Variants in XKR4 observed in about 807,000 individuals in gnomAD.
XKR4 encodes the protein XK-related protein 4.
In XKR4, 12 loss-of-function variants were observed where a neutral mutation model predicts 53.9. That is an observed-to-expected ratio of 0.22 (90% confidence interval 0.14 to 0.36). The LOEUF (loss-of-function observed/expected upper bound fraction) is 0.36, where lower values mean the gene tolerates loss of function less well. Among genes scored for constraint, XKR4 ranks in the 10% least tolerant of loss-of-function variants. The pLI is 1.00. For synonymous variants in XKR4, 354 were observed against 362.4 expected, an observed-to-expected ratio of 0.98 and a Z score of 0.26; for missense variants, 799 against 859.5, an observed-to-expected ratio of 0.93 and a Z score of 0.88.
At chr8:55,131,898 G>A (rs1204041349) in intron 1 of XKR4, among the ~76,000 whole-genome samples, 1 of 152,176 alleles carries the variant, frequency 6.6e-6, no homozygotes, top group Admixed American at 6.5e-5. Flanking sequence ...GTTACAGTGA[G>A]CATGCTGTTT....
At chr8:55,220,747 A>G (rs991665190) in intron 1 of XKR4, among the ~76,000 whole-genome samples, 1 of 152,190 alleles carries the variant, frequency 6.6e-6, no homozygotes, top group African/African-American at 2.4e-5. Context: ...TGAGCCCTCC[A>G]TTCTCTTCCC....
chr8:55,345,519 G>A (rs1803623263), intron 1 of XKR4, among the ~76,000 whole-genome samples: 1 of 152,136 alleles, frequency 6.6e-6, no homozygotes, highest in South Asian at 2.1e-4. Context: ...CAGCTCATGG[G>A]TCAAGTGTAT....
At chr8:55,138,292 G>T (rs538120697) in intron 1 of XKR4, among the ~76,000 whole-genome samples, 33 of 152,206 alleles carry the variant, frequency 2.2e-4, no homozygotes, top group African/African-American at 7.2e-4. Flanking sequence ...AGGCCACAAG[G>T]CTTTTGGATC....
Position 55,203,250 on chromosome 8 carries a change from C to T in XKR4, c.806+99956C>T, listed in dbSNP as rs564158604. ...ACTATTGCGCCTGCCATGCTGTCCT[C>T]GCTTCTCTGCCCTTCCCTGCCAACC... On this transcript the variant is annotated intron_variant, in intron 1 of 2. Transcript: ENST00000327381. Among the ~76,000 whole-genome samples, 24 of 152,380 alleles carry T rather than the reference C, an allele frequency of 1.6e-4. No homozygotes were observed. The South Asian group carries it at 3.9e-3, about 25-fold the overall frequency.
At chr8:55,136,272 G>A (rs113814993) in intron 1 of XKR4, among the ~76,000 whole-genome samples, 1 of 152,000 alleles carries the variant, frequency 6.6e-6, no homozygotes, top group African/African-American at 2.4e-5. Flanking sequence ...ATTGTTGGAT[G>A]TGCCTGGGGT....
At chr8:55,258,261 G>C (rs544070198) in intron 1 of XKR4, among the ~76,000 whole-genome samples, 2 of 152,348 alleles carry the variant, frequency 1.3e-5, no homozygotes, top group East Asian at 3.9e-4. Context: ...GGAGGGAAGA[G>C]AGGTTTGGGT....
Position 55,102,541 on chromosome 8 carries a change from C to A in XKR4, c.53C>A (p.Ala18Glu). 6.5e-7 allele frequency: 1 copy of A among 1,550,386 alleles called. No individual in the cohort carries two copies. The highest frequency in any genetic ancestry group is 8.7e-7 in the Non-Finnish European group (1 of 1,144,768). The change falls in exon 1 of 3, where the codon GCG becomes GAG. Residue 18 changes from alanine (A) to glutamate (E), a missense_variant. Transcript: ENST00000327381. The surrounding 1 kb of genome is among the most constrained non-coding windows in gnomAD (Gnocchi z 5.1). Reference sequence around the variant, plus strand: ...AAAATGAAGAAAAGCAGCGACGTGGCGTTCACCCCGCTGCAGAACTCGGAC... The same window carrying A: ...AAAATGAAGAAAAGCAGCGACGTGGAGTTCACCCCGCTGCAGAACTCGGAC... ...RLKMKKSSDV[A>E]FTPLQNSDHS...
intron 1 of XKR4, among the ~76,000 whole-genome samples, chr8:55,326,055 A>G (rs1803287044): frequency 6.6e-6 from 1 of 152,236 alleles, no homozygotes; most frequent in Non-Finnish European, 1.5e-5. Flanking sequence ...GCCAAACCGA[A>G]GAATGTGGGC....
At position 55,452,581 on chromosome 8, in the gene XKR4, G is replaced by A. The variant is rs148409670; in HGVS notation, c.1007-70700G>A. 195 of 879,410 alleles carry A rather than the reference G, an allele frequency of 2.2e-4. 2 individuals are homozygous for A. The African/African-American group carries it at 3.0e-3, about 13-fold the overall frequency. 54.5% of individuals were successfully genotyped at this position (879,410 alleles called of 1,614,324 possible). A position where few individuals can be genotyped will look rare whatever the true frequency, so the allele number is the denominator to read the frequency against. On this transcript the variant is annotated intron_variant, in intron 2 of 2. Transcript: ENST00000327381. ...GGCATCAGCCTCCGGTTCTCCCGCT[G>A]CACCGCCTCCAGGGTCTTAATGTTT...
chr8:55,328,315 A>G (rs574411380), intron 1 of XKR4, among the ~76,000 whole-genome samples: 3 of 152,348 alleles, frequency 2.0e-5, no homozygotes, highest in Non-Finnish European at 4.4e-5. Flanking sequence ...TACATGGTGA[A>G]TAAGGAAGAG....
intron 1 of XKR4, among the ~76,000 whole-genome samples, chr8:55,289,648 AG>A (rs1818965332): frequency 9.5e-5 from 11 of 116,212 alleles, no homozygotes; most frequent in South Asian, 5.8e-4. Flanking sequence ...AAAGAAAGAA[AG>A]GAAGGAAGGA....
intron 2 of XKR4, among the ~76,000 whole-genome samples, chr8:55,388,963 A>G (rs1804395171): frequency 1.3e-5 from 2 of 152,212 alleles, no homozygotes; most frequent in Admixed American, 1.3e-4. Context: ...ATTCACAAAT[A>G]GGTTCCTTGC....
chr8:55,500,181 C>CAAAAAA (rs36233927), intron 2 of XKR4, among the ~76,000 whole-genome samples: 14 of 115,584 alleles, frequency 1.2e-4, no homozygotes, highest in African/African-American at 5.2e-4. Flanking sequence ...CAAATTGGGC[C>CAAAAAA]AAAAAAAAAA....
rs922367572 is a variant in XKR4 at position 55,526,036 on chromosome 8, G to A, written c.*1809G>A. ...TTCCCAGGAAATCAAAGATGTAAAT[G>A]ATTACTTTCATCCATCCATTATAAC... On this transcript the variant is annotated 3_prime_UTR_variant, in exon 3 of 3. Transcript: ENST00000327381. 6.6e-6 allele frequency: 1 copy of A among 152,632 alleles called. No homozygotes were observed. The highest frequency in any genetic ancestry group is 1.5e-5 in the Non-Finnish European group (1 of 68,048). 9.5% of individuals were successfully genotyped at this position (152,632 alleles called of 1,614,324 possible).
intron 1 of XKR4, among the ~76,000 whole-genome samples, chr8:55,183,786 A>T (rs1817343532): frequency 6.6e-6 from 1 of 152,158 alleles, no homozygotes; most frequent in Non-Finnish European, 1.5e-5. Flanking sequence ...CTATATCCTT[A>T]CTTATTCTCT....
intron 2 of XKR4, among the ~76,000 whole-genome samples, chr8:55,472,564 G>A (rs1585593338): frequency 1.3e-5 from 2 of 152,216 alleles, no homozygotes; most frequent in South Asian, 2.1e-4. Context: ...GGCTGCAGCA[G>A]AGGAACCAGC....
chr8:55,371,326 C>T (rs1342215556), intron 2 of XKR4, among the ~76,000 whole-genome samples: 3 of 151,986 alleles, frequency 2.0e-5, no homozygotes, highest in African/African-American at 7.3e-5. Context: ...GATCAGTCTC[C>T]ACAAAGCAAT....
intron 1 of XKR4, among the ~76,000 whole-genome samples, chr8:55,150,162 A>G (rs1816821956): frequency 6.6e-6 from 1 of 152,190 alleles, no homozygotes; most frequent in Non-Finnish European, 1.5e-5. Flanking sequence ...ATTTGCTAAA[A>G]TTGTTGTTGA....
intron 2 of XKR4, among the ~76,000 whole-genome samples, chr8:55,383,310 T>C (rs1804262390): frequency 6.6e-6 from 1 of 152,246 alleles, no homozygotes; most frequent in Admixed American, 6.5e-5. Flanking sequence ...TTGATCTACC[T>C]AATTACATCT....
Sources: allele counts gnomAD v4.1 joint callset (sites outside exome capture counted in the v4.1 genomes callset), GRCh38; gene constraint gnomAD v4.1.1; non-coding constraint Gnocchi (gnomAD v3.1); transcripts MANE v1.5; gene names NCBI Gene and HGNC (gene_info 2026-07-23, HGNC 2026-07-21).